The following HPSE2 variants were observed in gnomAD, a reference collection of about 807,000 sequenced individuals.
The protein encoded by HPSE2 is heparanase 2 (inactive).
In HPSE2, 38 loss-of-function variants were observed where a neutral mutation model predicts 60.5. The ratio of observed to expected loss-of-function variants is 0.63; its 90% CI spans 0.48 to 0.82. The LOEUF (loss-of-function observed/expected upper bound fraction) is 0.82, where lower values mean the gene tolerates loss of function less well. Among genes scored for constraint, HPSE2 ranks in the 40% least tolerant of loss-of-function variants. The pLI is 0.00. For synonymous variants in HPSE2, 295 were observed against 293.2 expected (o/e 1.01, Z -0.06); for missense variants, 713 against 740.4 (o/e 0.96, Z 0.43).
chr10:98,809,041 T>C (rs554105020), intron 3 of HPSE2, among the ~76,000 whole-genome samples: 22 of 152,296 alleles, frequency 1.4e-4, no homozygotes, highest in Middle Eastern at 3.4e-3. Context: ...ATCGTCCAGA[T>C]ATCTACCTTC....
At chr10:99,029,326 G>T (rs183592069) in intron 3 of HPSE2, among the ~76,000 whole-genome samples, 1 of 152,130 alleles carries the variant, frequency 6.6e-6, no homozygotes, top group Non-Finnish European at 1.5e-5. Flanking sequence ...CCACAGGGTC[G>T]GTGGGTCTCT....
intron 3 of HPSE2, among the ~76,000 whole-genome samples, chr10:98,930,630 C>A (rs1954616730): frequency 6.9e-6 from 1 of 144,760 alleles, no homozygotes; most frequent in Non-Finnish European, 1.5e-5. Context: ...TATTTCTCCA[C>A]AATGTCACCA....
chr10:99,111,377 C>T (rs1478477027), intron 3 of HPSE2, among the ~76,000 whole-genome samples: 1 of 152,076 alleles, frequency 6.6e-6, no homozygotes, highest in Non-Finnish European at 1.5e-5. Context: ...CTCTGTAATT[C>T]TGTAAGCTAC....
At chr10:99,300,715 C>T in the HPSE2 span, among the ~76,000 whole-genome samples, 4,182 of 152,278 alleles carry the variant, frequency 0.027, 190 homozygotes, top group African/African-American at 0.095. Flanking sequence ...AAGAAGACCT[C>T]CCTTCCGTCA....
chr10:99,120,152 C>G (rs559201880), intron 3 of HPSE2, among the ~76,000 whole-genome samples: 1 of 152,104 alleles, frequency 6.6e-6, no homozygotes, highest in South Asian at 2.1e-4. Flanking sequence ...ACAGAGTAAA[C>G]AGACAACCTA....
chr10:98,704,266 A>G (rs1183848883), intron 5 of HPSE2, among the ~76,000 whole-genome samples: 1 of 152,206 alleles, frequency 6.6e-6, no homozygotes, highest in African/African-American at 2.4e-5. Context: ...GAGGACACAA[A>G]CAAATGGAAA....
At chr10:99,142,185 T>C (rs1473974068) in intron 3 of HPSE2, among the ~76,000 whole-genome samples, 1 of 152,208 alleles carries the variant, frequency 6.6e-6, no homozygotes, top group Non-Finnish European at 1.5e-5. Flanking sequence ...TCCCTGCCCC[T>C]TCAACCTCAC....
At chr10:98,830,836 A>C (rs1242638463) in intron 3 of HPSE2, among the ~76,000 whole-genome samples, 1 of 152,176 alleles carries the variant, frequency 6.6e-6, no homozygotes, top group Non-Finnish European at 1.5e-5. Flanking sequence ...AAGGCCATGC[A>C]TTTTCAATAA....
At chr10:98,650,726 T>C (rs930821113) in intron 6 of HPSE2, among the ~76,000 whole-genome samples, 3 of 152,186 alleles carry the variant, frequency 2.0e-5, no homozygotes, top group Non-Finnish European at 4.4e-5. Context: ...GAATCTAGAA[T>C]GTTGGAAGGG....
chr10:98,832,864 G>A (rs768228284), intron 3 of HPSE2, among the ~76,000 whole-genome samples: 2 of 152,188 alleles, frequency 1.3e-5, no homozygotes, highest in African/African-American at 4.8e-5. Context: ...ATTATGAAGA[G>A]GGATACAGGC....
chr10:98,487,833 A>G (rs4919231), intron 10 of HPSE2, among the ~76,000 whole-genome samples: 45,222 of 152,156 alleles, frequency 0.3, 6,921 homozygotes, highest in East Asian at 0.36. Flanking sequence ...TTAATGGCAC[A>G]TGATTTCTCA....
intron 9 of HPSE2, among the ~76,000 whole-genome samples, chr10:98,549,520 A>G (rs1222233182): frequency 1.3e-5 from 2 of 152,058 alleles, no homozygotes; most frequent in African/African-American, 2.4e-5. Flanking sequence ...TTAAAAACCT[A>G]TTTCCTTATC....
chr10:99,076,305 A>G (rs1842950009), intron 3 of HPSE2, among the ~76,000 whole-genome samples: 1 of 152,208 alleles, frequency 6.6e-6, no homozygotes, highest in Non-Finnish European at 1.5e-5. Flanking sequence ...CTTTGATTGC[A>G]GAAAAACCTG....
At chr10:99,024,683 G>T (rs899463746) in intron 3 of HPSE2, among the ~76,000 whole-genome samples, 4 of 152,084 alleles carry the variant, frequency 2.6e-5, no homozygotes, top group Non-Finnish European at 5.9e-5. Flanking sequence ...CAAGAAAAAA[G>T]AAACAAATAA....
chr10:99,224,211 T>C (rs1849401425), intron 2 of HPSE2, among the ~76,000 whole-genome samples: 1 of 152,042 alleles, frequency 6.6e-6, no homozygotes, highest in Non-Finnish European at 1.5e-5. Flanking sequence ...GAAAACTGAA[T>C]GGAACTGAAC....
At chr10:98,916,971 T>C (rs1590071961) in intron 3 of HPSE2, among the ~76,000 whole-genome samples, 1 of 152,326 alleles carries the variant, frequency 6.6e-6, no homozygotes, top group African/African-American at 2.4e-5. Context: ...GCTATTGGTC[T>C]GACTGAAGTT....
At chr10:98,841,564 C>T (rs1398730463) in intron 3 of HPSE2, among the ~76,000 whole-genome samples, 1 of 152,118 alleles carries the variant, frequency 6.6e-6, no homozygotes, top group Admixed American at 6.5e-5. Flanking sequence ...AAAATTCATC[C>T]TTACTTCTAT....
intron 3 of HPSE2, among the ~76,000 whole-genome samples, chr10:99,075,796 C>G (rs978385910): frequency 6.6e-6 from 1 of 152,014 alleles, no homozygotes; most frequent in Admixed American, 6.6e-5. Context: ...TCTCTTGTAA[C>G]AGTTTATGAC....
intron 3 of HPSE2, among the ~76,000 whole-genome samples, chr10:98,985,132 T>C (rs921951157): frequency 6.6e-6 from 1 of 152,094 alleles, no homozygotes; most frequent in Non-Finnish European, 1.5e-5. Context: ...ACTCAGGAAA[T>C]ACAGAGAACG....
Sources: gnomAD v4.1 joint callset for allele counts (sites outside exome capture counted in the v4.1 genomes callset) on GRCh38, gnomAD v4.1.1 for gene constraint, MANE v1.5 for transcripts, NCBI Gene and HGNC (gene_info 2026-07-23, HGNC 2026-07-21) for gene names.